TENM4: variants seen among roughly 807,000 people sequenced by gnomAD.
The protein encoded by TENM4 is teneurin-4.
A neutral mutation model predicts 243.3 loss-of-function variants in TENM4; 82 were observed. The ratio of observed to expected loss-of-function variants is 0.34; its 90% CI spans 0.28 to 0.40. TENM4 has a LOEUF of 0.40. Among genes scored for constraint, TENM4 ranks in the 10% least tolerant of loss-of-function variants. The probability of loss-of-function intolerance (pLI) is 1.00; values close to 1 mark genes in which losing one functional copy is unlikely to be tolerated. For missense variants in TENM4, 3,138 were observed against 3,673.3 expected (o/e 0.85, Z 3.77); for synonymous variants, 1,412 against 1,456.3 (o/e 0.97, Z 0.69).
In TENM4 at chr11:78,670,283, G is replaced by T. The variant is rs1463994321; in HGVS notation, c.6062C>A (p.Ala2021Glu). The T allele has an allele frequency of 1.2e-6, 2 of 1,613,982 alleles. No individual in the cohort carries two copies. The highest frequency in any genetic ancestry group is 1.1e-5 in the South Asian group (1 of 91,070). Residue 2021 changes from alanine (A) to glutamate (E), a missense_variant, in exon 32 of 34, where the codon GCA becomes GAA. Transcript: ENST00000278550. ...CTTGGTGGTGTCATAGAGCGTCTCT[G>T]CCAGCTTTGACAGTTTGCCATACTT... is the stretch of plus-strand genomic sequence containing the variant. ...IYKYGKLSKL[A>E]ETLYDTTKVS...
intron 3 of TENM4, among the ~76,000 whole-genome samples, chr11:79,155,121 G>T (rs1862578143): frequency 6.6e-6 from 1 of 152,012 alleles, no homozygotes; most frequent in Non-Finnish European, 1.5e-5. Context: ...TGAGTAGCTT[G>T]TCTCCCCTGA....
intron 1 of TENM4, among the ~76,000 whole-genome samples, chr11:79,430,335 A>G (rs545324614): frequency 3.3e-5 from 5 of 152,354 alleles, no homozygotes; most frequent in African/African-American, 1.2e-4. Context: ...GCAAAATACA[A>G]TGGCCCAGAT....
chr11:78,834,557 C>T (rs1286486090), intron 12 of TENM4, among the ~76,000 whole-genome samples: 1 of 150,836 alleles, frequency 6.6e-6, no homozygotes. Context: ...GTCTTTTGGT[C>T]CCCCCACTCT....
chr11:79,191,946 T>TG, intron 3 of TENM4, among the ~76,000 whole-genome samples: 1 of 146,272 alleles, frequency 6.8e-6, no homozygotes, highest in South Asian at 2.2e-4. Context: ...AGGAGGGAGG[T>TG]GGGGGTCAGC....
At chr11:78,924,935 T>C (rs1482649413) in intron 6 of TENM4, among the ~76,000 whole-genome samples, 2 of 152,202 alleles carry the variant, frequency 1.3e-5, no homozygotes, top group South Asian at 2.1e-4. Context: ...ACCCATAACA[T>C]TGGGGCTTTC....
intron 16 of TENM4, among the ~76,000 whole-genome samples, chr11:78,785,765 G>T (rs749548575): frequency 6.6e-6 from 1 of 152,128 alleles, no homozygotes; most frequent in Non-Finnish European, 1.5e-5. Flanking sequence ...CTAATGTTAG[G>T]CTTCAAAACA....
intron 6 of TENM4, among the ~76,000 whole-genome samples, chr11:78,986,942 T>G (rs1383725026): frequency 6.6e-6 from 1 of 152,110 alleles, no homozygotes; most frequent in Non-Finnish European, 1.5e-5. Context: ...AACTGTCAAA[T>G]GAAGATAATT....
intron 1 of TENM4, among the ~76,000 whole-genome samples, chr11:79,323,502 C>A (rs558639558): frequency 3.3e-5 from 5 of 152,264 alleles, no homozygotes; most frequent in African/African-American, 7.2e-5. Context: ...AGGTGATGCA[C>A]CCTCTAGGTC....
chr11:79,408,913 T>C (rs940153679), intron 1 of TENM4, among the ~76,000 whole-genome samples: 2 of 152,182 alleles, frequency 1.3e-5, no homozygotes, highest in Non-Finnish European at 2.9e-5. Context: ...TGGAAGCTCA[T>C]AGCAGAATTA....
chr11:78,704,159 CTA>C (rs56026926), intron 27 of TENM4, among the ~76,000 whole-genome samples: 3,163 of 105,920 alleles, frequency 0.03, 141 homozygotes, highest in African/African-American at 0.1. Context: ...GTATGTGTGT[CTA>C]TATATATATA....
chr11:79,237,930 A>G (rs927105069), intron 2 of TENM4, among the ~76,000 whole-genome samples: 15 of 152,116 alleles, frequency 9.9e-5, no homozygotes, highest in African/African-American at 3.6e-4. Flanking sequence ...CTTCCTGTCC[A>G]GATGTACAAA....
intron 6 of TENM4, among the ~76,000 whole-genome samples, chr11:79,018,614 G>A (rs1858841110): frequency 6.6e-6 from 1 of 152,166 alleles, no homozygotes; most frequent in Non-Finnish European, 1.5e-5. Flanking sequence ...TGTCTCGGTA[G>A]GAAAGAGTGG....
chr11:79,386,832 GTATT>G (rs1391503760), intron 1 of TENM4, among the ~76,000 whole-genome samples: 1 of 151,420 alleles, frequency 6.6e-6, no homozygotes, highest in African/African-American at 2.4e-5. Context: ...GCACTTCTGG[GTATT>G]TGCTACAATC....
At chr11:79,079,939 C>T (rs1677598225) in intron 4 of TENM4, among the ~76,000 whole-genome samples, 1 of 152,154 alleles carries the variant, frequency 6.6e-6, no homozygotes, top group South Asian at 2.1e-4. Context: ...TCAGTCCCAT[C>T]CCTACTGAGT....
At chr11:79,217,510 G>A (rs1350675461) in intron 2 of TENM4, among the ~76,000 whole-genome samples, 1 of 152,130 alleles carries the variant, frequency 6.6e-6, no homozygotes, top group Non-Finnish European at 1.5e-5. Context: ...TTATTATAAG[G>A]TGAGGAATTG....
In TENM4 at chr11:79,438,601, G is replaced by A. The variant is rs988783581; in HGVS notation, c.-321+1908C>T. ...AAGGGGGACCAGGCACCGCGGGCAGGTTTCTAAACACGTGAAGGGCACAGG... is the reference window on the plus strand; with the variant it reads ...AAGGGGGACCAGGCACCGCGGGCAGATTTCTAAACACGTGAAGGGCACAGG... On this transcript the variant is annotated intron_variant, in intron 1 of 33. Transcript: ENST00000278550. The surrounding 1 kb of genome is among the most constrained non-coding windows in gnomAD (Gnocchi z 4.1). 1.3e-5 allele frequency among the ~76,000 whole-genome samples: 2 copies of A among 152,346 alleles called. No individual in the cohort carries two copies. The highest frequency in any genetic ancestry group is 4.8e-5 in the African/African-American group (2 of 41,580).
At chr11:79,263,904 T>G (rs190081158) in intron 2 of TENM4, among the ~76,000 whole-genome samples, 1 of 152,198 alleles carries the variant, frequency 6.6e-6, no homozygotes, top group Non-Finnish European at 1.5e-5. Context: ...GACCTCCCTA[T>G]GCATGGCCTA....
At chr11:79,185,199 G>A (rs1344482431) in intron 3 of TENM4, among the ~76,000 whole-genome samples, 2 of 152,128 alleles carry the variant, frequency 1.3e-5, no homozygotes, top group Admixed American at 6.5e-5. Context: ...TTGAGAGGCT[G>A]AGGTGGGGGG....
chr11:79,077,189 G>A (rs866671317), intron 4 of TENM4, among the ~76,000 whole-genome samples: 1 of 152,112 alleles, frequency 6.6e-6, no homozygotes, highest in Middle Eastern at 3.2e-3. Flanking sequence ...AGCCTTGTTG[G>A]AGGCATCAGA....
Sources: gnomAD v4.1 joint callset for allele counts (sites outside exome capture counted in the v4.1 genomes callset) on GRCh38, gnomAD v4.1.1 for gene constraint, Gnocchi (gnomAD v3.1) non-coding constraint, MANE v1.5 for transcripts, NCBI Gene and HGNC (gene_info 2026-07-23, HGNC 2026-07-21) for gene names.